Variants in SLC25A48 observed in about 807,000 individuals in gnomAD.
SLC25A48 encodes the protein solute carrier family 25 member 48, also known as CTC-321K16.1.
In SLC25A48, 29 loss-of-function variants were observed where a neutral mutation model predicts 32.2. The observed-to-expected ratio is 0.90, with a 90% CI of 0.67 to 1.23. The LOEUF is 1.23. Among genes scored for constraint, SLC25A48 ranks in the 50% most tolerant of loss-of-function variants. The pLI, the probability that SLC25A48 is intolerant of heterozygous loss-of-function variation, is 0.00. For synonymous variants in SLC25A48, 164 were observed against 172.3 expected (o/e 0.95, Z 0.38); for missense variants, 399 against 422.7 (o/e 0.94, Z 0.49).
At chr5:135,628,596 G>A (rs140849912) in intron 1 of SLC25A48, among the ~76,000 whole-genome samples, 29 of 152,268 alleles carry the variant, frequency 1.9e-4, no homozygotes, top group Non-Finnish European at 3.1e-4. Flanking sequence ...TGGGTCCAAA[G>A]GGAGGTGACG....
intron 7 of SLC25A48, chr5:135,883,001 A>C (rs1456066550): frequency 1.3e-4 from 125 of 981,190 alleles, no homozygotes; most frequent in Non-Finnish European, 1.5e-4. Context: ...GTTTGACCCC[A>C]AGATCCAAGA....
chr5:135,634,288 A>G (rs1002366868), intron 2 of SLC25A48, among the ~76,000 whole-genome samples: 11 of 152,242 alleles, frequency 7.2e-5, no homozygotes, highest in African/African-American at 2.2e-4. Flanking sequence ...CCAGTGTACC[A>G]AATGCAAATA....
At chr5:135,722,626 AG>A (rs1210582848) in intron 3 of SLC25A48, among the ~76,000 whole-genome samples, 3 of 152,198 alleles carry the variant, frequency 2.0e-5, no homozygotes, top group Non-Finnish European at 4.4e-5. Flanking sequence ...CACTGCTGAA[AG>A]GGAATTACTA....
chr5:135,666,018 A>G (rs1180909685), intron 3 of SLC25A48, among the ~76,000 whole-genome samples: 2 of 152,178 alleles, frequency 1.3e-5, no homozygotes, highest in Non-Finnish European at 2.9e-5. Flanking sequence ...CATCACTGTT[A>G]GGTGAAACTC....
At chr5:135,691,260 A>C (rs1167635824) in intron 3 of SLC25A48, among the ~76,000 whole-genome samples, 1 of 152,226 alleles carries the variant, frequency 6.6e-6, no homozygotes, top group Non-Finnish European at 1.5e-5. Flanking sequence ...TTACTCACAG[A>C]TAGACCTGCT....
chr5:135,807,134 C>A (rs1350449246), intron 3 of SLC25A48, among the ~76,000 whole-genome samples: 2 of 150,300 alleles, frequency 1.3e-5, no homozygotes, highest in African/African-American at 4.8e-5. Flanking sequence ...TCAAAGATAT[C>A]TTATGAATAT....
At chr5:135,828,773 C>G (rs1436784359) in intron 4 of SLC25A48, among the ~76,000 whole-genome samples, 1 of 152,226 alleles carries the variant, frequency 6.6e-6, no homozygotes, top group Non-Finnish European at 1.5e-5. Context: ...TGGCCTAGCC[C>G]CTTTCCTTGG....
intron 4 of SLC25A48, among the ~76,000 whole-genome samples, chr5:135,870,385 A>T (rs922311165): frequency 3.9e-5 from 6 of 152,228 alleles, no homozygotes; most frequent in African/African-American, 7.2e-5. Context: ...GATCCATAGC[A>T]GAGAAGGGTC....
At chr5:135,630,019 G>A (rs1251163148) in intron 2 of SLC25A48, among the ~76,000 whole-genome samples, 1 of 152,208 alleles carries the variant, frequency 6.6e-6, no homozygotes, top group Non-Finnish European at 1.5e-5. Context: ...CACCTGCTGG[G>A]AACCCAGTGG....
intron 3 of SLC25A48, among the ~76,000 whole-genome samples, chr5:135,795,011 C>A (rs1757132512): frequency 6.6e-6 from 1 of 151,830 alleles, no homozygotes; most frequent in Middle Eastern, 3.2e-3. Flanking sequence ...TGATATTACA[C>A]TCAATTTCCC....
chr5:135,656,911 C>G (rs1753264991), intron 3 of SLC25A48, among the ~76,000 whole-genome samples: 1 of 152,134 alleles, frequency 6.6e-6, no homozygotes. Flanking sequence ...AACTTCTTGC[C>G]TTTTAAATAG....
intron 4 of SLC25A48, among the ~76,000 whole-genome samples, chr5:135,867,241 G>C (rs1761275077): frequency 6.6e-6 from 1 of 152,138 alleles, no homozygotes; most frequent in South Asian, 2.1e-4. Flanking sequence ...AGAAACAATG[G>C]GCTGGGAGTT....
intron 3 of SLC25A48, among the ~76,000 whole-genome samples, chr5:135,688,713 T>C (rs547180022): frequency 2.0e-5 from 3 of 152,272 alleles, no homozygotes; most frequent in South Asian, 2.1e-4. Context: ...GAAGGCTGGG[T>C]TGGGCATGAG....
chr5:135,778,180 G>A (rs573297960), intron 3 of SLC25A48, among the ~76,000 whole-genome samples: 4 of 151,552 alleles, frequency 2.6e-5, no homozygotes, highest in Non-Finnish European at 4.4e-5. Flanking sequence ...GGGGGGGAGA[G>A]GATAATATTC....
chr5:135,597,500 C>T (rs1450967300), intron 1 of SLC25A48, among the ~76,000 whole-genome samples: 1 of 152,184 alleles, frequency 6.6e-6, no homozygotes, highest in East Asian at 1.9e-4. Context: ...CTTGCAGTTC[C>T]ACCAGGACAC....
At chr5:135,886,033 G>T (rs1762700814) in intron 7 of SLC25A48, among the ~76,000 whole-genome samples, 1 of 152,098 alleles carries the variant, frequency 6.6e-6, no homozygotes, top group African/African-American at 2.4e-5. Flanking sequence ...CTGGGATGTG[G>T]GATTGGGAGA....
At position 135,689,342 on chromosome 5, in the gene SLC25A48, A is replaced by T. The variant is rs569889975; in HGVS notation, c.-521+54386A>T. Among the ~76,000 whole-genome samples, 3 of 152,078 alleles carry T rather than the reference A, an allele frequency of 2.0e-5. No homozygotes were observed. In the South Asian group the frequency reaches 6.2e-4, roughly 32 times the overall value. ...CCTGTTGTGATTCTCCATACAATAG[A>T]CCCTCCTTCTACAGCCCATGGTTTT... On this transcript the variant is annotated intron_variant, in intron 3 of 10. Transcript: ENST00000646290.
At chr5:135,776,506 G>A (rs895789532) in intron 3 of SLC25A48, among the ~76,000 whole-genome samples, 1 of 151,860 alleles carries the variant, frequency 6.6e-6, no homozygotes, top group African/African-American at 2.4e-5. Flanking sequence ...ATATCCAGGG[G>A]GGAAGAAGAT....
chr5:135,706,026 C>T (rs1330687373), intron 3 of SLC25A48, among the ~76,000 whole-genome samples: 2 of 152,204 alleles, frequency 1.3e-5, no homozygotes, highest in Non-Finnish European at 2.9e-5. Context: ...GCTGTCTCTT[C>T]CCGGCTGCCC....
Sources: allele counts gnomAD v4.1 joint callset (sites outside exome capture counted in the v4.1 genomes callset), GRCh38; gene constraint gnomAD v4.1.1; transcripts MANE v1.5; gene names NCBI Gene and HGNC (gene_info 2026-07-23, HGNC 2026-07-21).